The following SLC39A14 variants were observed in gnomAD, a reference collection of about 807,000 sequenced individuals.
The protein encoded by SLC39A14 is metal cation symporter ZIP14.
A neutral mutation model predicts 45.5 loss-of-function variants in SLC39A14; 19 were observed. The observed-to-expected ratio is 0.42, with a 90% CI of 0.29 to 0.61. The LOEUF is 0.61. Ranked by LOEUF, SLC39A14 falls within the 20% of genes least tolerant of loss-of-function variation. SLC39A14 has a pLI of 0.22. For synonymous variants in SLC39A14, 264 were observed against 251.3 expected (o/e 1.05, Z -0.48); for missense variants, 447 against 616.5 (o/e 0.73, Z 2.91).
rs550616375 is a variant in SLC39A14, at chr8:22,431,213, G to A, written c.1333-2678G>A. On this transcript the variant is annotated intron_variant, in intron 8 of 8. Coordinates refer to the SLC39A14 transcript ENST00000240095. ...TGTGTTAGCCAGGATAGTCTCGATC[G>A]CCTGACCTCATGATCCACCTGCCTC... is the stretch of plus-strand genomic sequence containing the variant. 1.9e-4 allele frequency among the ~76,000 whole-genome samples: 29 copies of A among 151,392 alleles called. No homozygotes were observed. The South Asian group carries it at 5.2e-3, about 27-fold the overall frequency.
intron 1 of SLC39A14, among the ~76,000 whole-genome samples, chr8:22,368,071 T>C (rs1416621434): frequency 6.6e-6 from 1 of 152,170 alleles, no homozygotes; most frequent in Non-Finnish European, 1.5e-5. Context: ...TCGTCAGCTC[T>C]GGACTAGGGG....
chr8:22,379,255 T>A (rs1269256115), intron 1 of SLC39A14, among the ~76,000 whole-genome samples: 1 of 152,220 alleles, frequency 6.6e-6, no homozygotes, highest in Non-Finnish European at 1.5e-5. Flanking sequence ...CCGTAACTGA[T>A]TTTATCTGCA....
At chr8:22,371,414 CTTTTTTTTTTT>C (rs373230777) in intron 1 of SLC39A14, among the ~76,000 whole-genome samples, 14 of 120,038 alleles carry the variant, frequency 1.2e-4, no homozygotes, top group Non-Finnish European at 2.6e-4. Flanking sequence ...AAATACATGT[CTTTTTTTTTTT>C]TTTTTTTTTT....
intron 1 of SLC39A14, among the ~76,000 whole-genome samples, chr8:22,383,453 G>A (rs1833621260): frequency 6.6e-6 from 1 of 152,154 alleles, no homozygotes; most frequent in African/African-American, 2.4e-5. Context: ...AGTTGTATGG[G>A]AGCAAGTGGG....
At chr8:22,411,529 C>T (rs11777848) in intron 3 of SLC39A14, among the ~76,000 whole-genome samples, 34,624 of 152,180 alleles carry the variant, frequency 0.23, 4,951 homozygotes, top group East Asian at 0.49. Context: ...CCCGAGCCTG[C>T]GCCGTGTGAA....
chr8:22,411,585 T>C (rs1430277443), intron 3 of SLC39A14, among the ~76,000 whole-genome samples: 1 of 152,190 alleles, frequency 6.6e-6, no homozygotes, highest in African/African-American at 2.4e-5. Flanking sequence ...TCAGCCTCTT[T>C]CCACCTGCTT....
At chr8:22,405,782 G>T (rs1036792821) in intron 2 of SLC39A14, among the ~76,000 whole-genome samples, 2 of 151,906 alleles carry the variant, frequency 1.3e-5, no homozygotes, top group African/African-American at 2.4e-5. Context: ...GGGCTGGAAC[G>T]CCAGGTCTTT....
At chr8:22,379,927 C>CAAAAAAAAAA (rs35093772) in intron 1 of SLC39A14, among the ~76,000 whole-genome samples, 43 of 87,532 alleles carry the variant, frequency 4.9e-4, no homozygotes, top group Middle Eastern at 6.3e-3. Flanking sequence ...GACTCCATCT[C>CAAAAAAAAAA]AAAAAAAAAA....
chr8:22,430,210 C>T (rs1586764048), intron 8 of SLC39A14, among the ~76,000 whole-genome samples: 1 of 135,050 alleles, frequency 7.4e-6, no homozygotes, highest in African/African-American at 2.6e-5. Context: ...AAGAGATCCT[C>T]CCACCTACCT....
chr8:22,419,836 A>C lies in SLC39A14; in HGVS notation c.*138A>C. 4.3e-6 allele frequency: 6 copies of C among 1,382,752 alleles called. No homozygotes were observed. The highest frequency in any genetic ancestry group is 5.6e-6 in the Non-Finnish European group (6 of 1,071,198). 85.7% of individuals were successfully genotyped at this position (1,382,752 alleles called of 1,614,324 possible). On this transcript the variant is annotated 3_prime_UTR_variant, in exon 9 of 9. Transcript: ENST00000381237. ...GACACAGACTGTATTCCTGCATTCAAATGTCAGCCGTTTGTAAAATGCTGT... is the reference window on the plus strand; with the variant it reads ...GACACAGACTGTATTCCTGCATTCACATGTCAGCCGTTTGTAAAATGCTGT...
In SLC39A14 at chr8:22,415,958, G is replaced by A; in HGVS notation, c.939+1G>A. ...CATTGTGGGCTCGCTCTCTGTGCAG[G>A]TCAGTGGGCCACCAGCTGCTTGGTG... On this transcript the variant is annotated splice_donor_variant, in intron 6 of 8. Transcript: ENST00000381237. LOFTEE classifies it high-confidence loss of function. 1.2e-6 allele frequency: 2 copies of A among 1,602,270 alleles called. No individual in the cohort carries two copies. The highest frequency in any genetic ancestry group is 1.7e-6 in the Non-Finnish European group (2 of 1,172,100).
At chr8:22,405,068 G>A (rs544384874) in intron 2 of SLC39A14, 88 bp downstream of exon 2, 7 of 1,252,858 alleles carry the variant, frequency 5.6e-6, no homozygotes, top group East Asian at 2.4e-5. Flanking sequence ...AGGGCAGCCT[G>A]GCAGCTTGGC....
chr8:22,391,470 A>C (rs1834066793), intron 1 of SLC39A14, among the ~76,000 whole-genome samples: 1 of 152,166 alleles, frequency 6.6e-6, no homozygotes, highest in Non-Finnish European at 1.5e-5. Flanking sequence ...AGTGCATAAT[A>C]GGTGGTCCTG....
At chr8:22,410,312 G>A (rs1835496267) in intron 3 of SLC39A14, among the ~76,000 whole-genome samples, 2 of 152,276 alleles carry the variant, frequency 1.3e-5, no homozygotes, top group Middle Eastern at 3.4e-3. Context: ...GGCCTCTGCA[G>A]GTGCTGTCAG....
At position 22,390,915 on chromosome 8, in the gene SLC39A14, C is replaced by T. The variant is rs1200393302; in HGVS notation, c.-15-13781C>T. ...AACAGTCCCGCGGGGAGAGCCTGGA[C>T]ACCTTCCGGAGGGTGGATCCTGGGA... On this transcript the variant is annotated intron_variant, in intron 1 of 8. Transcript: ENST00000381237. 3.9e-5 allele frequency among the ~76,000 whole-genome samples: 6 copies of T among 152,122 alleles called. No individual in the cohort carries two copies. The East Asian group carries it at 5.8e-4, about 15-fold the overall frequency.
At chr8:22,368,524 T>TTATTTTATTTTATTG (rs1423854823) in intron 1 of SLC39A14, among the ~76,000 whole-genome samples, 3 of 36,546 alleles carry the variant, frequency 8.2e-5, no homozygotes, top group Admixed American at 8.0e-4. Flanking sequence ...TTATTTTATT[T>TTATTTTATTTTATTG]TATTTTATTT....
At chr8:22,388,064 C>T (rs1445965000) in intron 1 of SLC39A14, among the ~76,000 whole-genome samples, 1 of 152,184 alleles carries the variant, frequency 6.6e-6, no homozygotes, top group African/African-American at 2.4e-5. Flanking sequence ...ATTTAAGCAG[C>T]AGGTGCTTAT....
chr8:22,388,959 A>C (rs1833925298), intron 1 of SLC39A14, among the ~76,000 whole-genome samples: 1 of 152,148 alleles, frequency 6.6e-6, no homozygotes, highest in African/African-American at 2.4e-5. Flanking sequence ...GAGAAATCAA[A>C]AGTTCAAGAT....
At chr8:22,426,386 T>A (rs867505172), downstream of SLC39A14, among the ~76,000 whole-genome samples, 2 of 151,668 alleles carry the variant, frequency 1.3e-5, no homozygotes, top group Non-Finnish European at 2.9e-5. Context: ...GGAAAGGAGG[T>A]CTCGTTAAGT....
Sources: gnomAD v4.1 joint callset for allele counts (sites outside exome capture counted in the v4.1 genomes callset) on GRCh38, gnomAD v4.1.1 for gene constraint, MANE v1.5 for transcripts, NCBI Gene and HGNC (gene_info 2026-07-23, HGNC 2026-07-21) for gene names.